Variants in RFTN2 observed in about 807,000 individuals in gnomAD.
RFTN2 encodes the protein raftlin-2.
In RFTN2, 34 loss-of-function variants were observed where a neutral mutation model predicts 52.7. The ratio of observed to expected loss-of-function variants is 0.64; its 90% CI spans 0.49 to 0.86. The LOEUF (loss-of-function observed/expected upper bound fraction) is 0.86. Among genes scored for constraint, RFTN2 ranks in the 40% least tolerant of loss-of-function variants. RFTN2 has a pLI of 0.00. For synonymous variants in RFTN2, 203 were observed against 217.7 expected, an observed-to-expected ratio of 0.93 and a Z score of 0.59; for missense variants, 536 against 600.1, an observed-to-expected ratio of 0.89 and a Z score of 1.12.
intron 8 of RFTN2, among the ~76,000 whole-genome samples, chr2:197,586,512 ACAT>A (rs2087600852): frequency 6.6e-6 from 1 of 152,222 alleles, no homozygotes. Flanking sequence ...TTGGACAGGC[ACAT>A]GCACATTAAT....
At chr2:197,646,119 C>G (rs1003778365) in intron 2 of RFTN2, among the ~76,000 whole-genome samples, 7 of 152,250 alleles carry the variant, frequency 4.6e-5, no homozygotes, top group South Asian at 4.1e-4. Context: ...TGAAAGTGGA[C>G]TTGGTAGGTC....
At chr2:197,578,173 A>C (rs1398212967) in intron 8 of RFTN2, among the ~76,000 whole-genome samples, 5 of 152,176 alleles carry the variant, frequency 3.3e-5, no homozygotes, top group African/African-American at 4.8e-5. Flanking sequence ...TTTATATATC[A>C]GCTAATAGAG....
chr2:197,671,499 T>C (rs1186864920), intron 1 of RFTN2, among the ~76,000 whole-genome samples: 1 of 152,270 alleles, frequency 6.6e-6, no homozygotes, highest in Admixed American at 6.5e-5. Flanking sequence ...AACATCGTGC[T>C]GGACACAGGG....
intron 8 of RFTN2, among the ~76,000 whole-genome samples, chr2:197,586,122 A>G (rs776809826): frequency 6.6e-6 from 1 of 152,204 alleles, no homozygotes; most frequent in Non-Finnish European, 1.5e-5. Flanking sequence ...CATTAGCAGT[A>G]ATTATTGCTT....
At chr2:197,668,786 T>C (rs975155679) in intron 1 of RFTN2, among the ~76,000 whole-genome samples, 1 of 152,198 alleles carries the variant, frequency 6.6e-6, no homozygotes, top group Non-Finnish European at 1.5e-5. Flanking sequence ...TGGGACCCAG[T>C]ATGCCCTTCC....
intron 8 of RFTN2, among the ~76,000 whole-genome samples, chr2:197,580,020 AG>A (rs2087479237): frequency 6.6e-6 from 1 of 152,272 alleles, no homozygotes; most frequent in African/African-American, 2.4e-5. Flanking sequence ...ATTAGCGTTT[AG>A]GCTCTTTTTC....
At chr2:197,610,478 T>G (rs760718116) in intron 7 of RFTN2, among the ~76,000 whole-genome samples, 13 of 152,290 alleles carry the variant, frequency 8.5e-5, no homozygotes, top group African/African-American at 1.9e-4. Flanking sequence ...CTGAGACTTT[T>G]CTGAAGTTGC....
chr2:197,577,622 G>A (rs965619738), intron 8 of RFTN2, among the ~76,000 whole-genome samples: 5 of 152,166 alleles, frequency 3.3e-5, no homozygotes, highest in African/African-American at 7.2e-5. Context: ...GCCAGACTGC[G>A]CTCCTTTCTC....
chr2:197,639,282 G>C (rs1407986494), intron 3 of RFTN2, among the ~76,000 whole-genome samples: 1 of 139,288 alleles, frequency 7.2e-6, no homozygotes, highest in Non-Finnish European at 1.6e-5. Context: ...TCTGAACGTT[G>C]GCCTGCCTTG....
At chr2:197,673,447 A>T (rs1351176782) in intron 1 of RFTN2, among the ~76,000 whole-genome samples, 1 of 152,170 alleles carries the variant, frequency 6.6e-6, no homozygotes, top group African/African-American at 2.4e-5. Context: ...ACAAAGAAAA[A>T]ACTAAAACAA....
rs1241155114 is a variant in RFTN2 at position 197,623,762 on chromosome 2, G to T, written c.929-5841C>A. On this transcript the variant is annotated intron_variant, in intron 5 of 8. Coordinates refer to ENST00000295049, the MANE Select transcript of RFTN2 (RefSeq NM_144629.3). ...GCTCACTGCAACCTCTGCCTCCCGGGTTCAAGTAATTTTCCTGCCTCAGCC... is the reference window on the plus strand; with the variant it reads ...GCTCACTGCAACCTCTGCCTCCCGGTTTCAAGTAATTTTCCTGCCTCAGCC... Among the ~76,000 whole-genome samples, 3 of 152,304 alleles carry T rather than the reference G, an allele frequency of 2.0e-5. No individual in the cohort carries two copies. In the East Asian group the frequency reaches 5.8e-4, roughly 29 times the overall value.
chr2:197,644,913 T>C, intron 2 of RFTN2, among the ~76,000 whole-genome samples: 1 of 152,354 alleles, frequency 6.6e-6, no homozygotes, highest in East Asian at 1.9e-4. Context: ...CCATGGGAGA[T>C]AGTGTTTCTT....
intron 1 of RFTN2, among the ~76,000 whole-genome samples, chr2:197,672,395 A>G (rs1023031584): frequency 2.0e-5 from 3 of 152,216 alleles, no homozygotes; most frequent in Admixed American, 1.3e-4. Context: ...GAACCTTTGA[A>G]GAGAACATAT....
intron 7 of RFTN2, 144 bp from the exon 8 acceptor site, chr2:197,596,213 AG>A: frequency 2.1e-6 from 1 of 472,524 alleles, no homozygotes; most frequent in Non-Finnish European, 3.7e-6. Context: ...TTTTTCTTCC[AG>A]TGATGGAAAG....
intron 7 of RFTN2, among the ~76,000 whole-genome samples, chr2:197,597,646 G>A (rs2106189581): frequency 6.6e-6 from 1 of 152,070 alleles, no homozygotes; most frequent in South Asian, 2.1e-4. Context: ...AGCCTTCCGA[G>A]TAGCTGGGAT....
intron 5 of RFTN2, among the ~76,000 whole-genome samples, chr2:197,626,949 G>C (rs926113366): frequency 2.0e-5 from 3 of 152,062 alleles, no homozygotes; most frequent in African/African-American, 7.2e-5. Flanking sequence ...GTTGCTGTGG[G>C]GACTAAATGA....
At chr2:197,627,320 C>G (rs1416128222) in intron 5 of RFTN2, among the ~76,000 whole-genome samples, 1 of 152,194 alleles carries the variant, frequency 6.6e-6, no homozygotes, top group Admixed American at 6.5e-5. Context: ...CCCTGGTACT[C>G]TCGCCATAAT....
Position 197,665,517 on chromosome 2 carries a change from C to CTTTTTTTTTTTTTTTTTTT in RFTN2, c.139+9802_139+9803insAAAAAAAAAAAAAAAAAAA. ...ATTCCTTTATCATTATGTACCTTGCCTTTTTTTTTTTTTTTTACTGTTTTC... is the reference window on the plus strand; with the variant it reads ...ATTCCTTTATCATTATGTACCTTGCCTTTTTTTTTTTTTTTTTTTTTTTTTTTTTTTTTTTACTGTTTTC... On this transcript the variant is annotated intron_variant, in intron 1 of 8. Coordinates refer to ENST00000295049, the MANE Select transcript of RFTN2 (RefSeq NM_144629.3). Among the ~76,000 whole-genome samples, 204 of 41,198 alleles carry CTTTTTTTTTTTTTTTTTTT rather than the reference C, an allele frequency of 5.0e-3. 11 individuals are homozygous for CTTTTTTTTTTTTTTTTTTT. Among genetic ancestry groups the CTTTTTTTTTTTTTTTTTTT allele is most frequent in the African/African-American group, 0.012 (81 of 6,970 alleles). 27.0% of individuals were successfully genotyped at this position (41,198 alleles called of 152,430 possible). A position where few individuals can be genotyped will look rare whatever the true frequency, so the allele number is the denominator to read the frequency against.
intron 8 of RFTN2, among the ~76,000 whole-genome samples, chr2:197,581,073 C>G (rs1380598683): frequency 6.6e-6 from 1 of 152,130 alleles, no homozygotes; most frequent in Non-Finnish European, 1.5e-5. Flanking sequence ...CCATTAAAAC[C>G]TAATCACCCT....
Sources: gnomAD v4.1 joint callset for allele counts (sites outside exome capture counted in the v4.1 genomes callset) on GRCh38, gnomAD v4.1.1 for gene constraint, MANE v1.5 for transcripts, NCBI Gene and HGNC (gene_info 2026-07-23, HGNC 2026-07-21) for gene names.